MTREX: variants seen among roughly 807,000 people sequenced by gnomAD.
MTREX encodes the protein exosome RNA helicase MTR4.
A neutral mutation model predicts 135.4 loss-of-function variants in MTREX; 76 were observed. The ratio of observed to expected loss-of-function variants is 0.56; its 90% CI spans 0.47 to 0.68. The LOEUF is 0.68. Among genes scored for constraint, MTREX ranks in the 30% least tolerant of loss-of-function variants. The probability of loss-of-function intolerance (pLI) is 0.00; values close to 1 mark genes in which losing one functional copy is unlikely to be tolerated. For missense variants in MTREX, 920 were observed against 1,262.1 expected (o/e 0.73, Z 4.11); for synonymous variants, 404 against 401.6 (o/e 1.01, Z -0.07).
At chr5:55,423,070 T>G in intron 26 of MTREX, 88 bp downstream of exon 26, 1 of 924,422 alleles carries the variant, frequency 1.1e-6, no homozygotes, top group East Asian at 2.6e-5. Context: ...AGGAGGACGT[T>G]TTGAGATGTT....
chr5:55,422,757 C>G, intron 25 of MTREX, 121 bp from the exon 26 acceptor site: 1 of 694,026 alleles, frequency 1.4e-6, no homozygotes, highest in Non-Finnish European at 2.4e-6. Flanking sequence ...TGATTTACTT[C>G]ATGGGAAGTC....
At chr5:55,415,888 T>C in intron 24 of MTREX, 82 bp from the exon 25 acceptor site, 1 of 994,112 alleles carries the variant, frequency 1.0e-6, no homozygotes, top group African/African-American at 1.7e-5. Flanking sequence ...AGGGACCTCC[T>C]GGAATACTGG....
At chr5:55,310,771 T>TA (rs1195954679) in intron 1 of MTREX, among the ~76,000 whole-genome samples, 1 of 152,136 alleles carries the variant, frequency 6.6e-6, no homozygotes, top group African/African-American at 2.4e-5. Flanking sequence ...GGATGCTTTT[T>TA]AAAAAAATAG....
chr5:55,389,490 G>T (rs1750529657), intron 19 of MTREX, among the ~76,000 whole-genome samples: 1 of 152,084 alleles, frequency 6.6e-6, no homozygotes, highest in Non-Finnish European at 1.5e-5. Flanking sequence ...AAGGAAATTG[G>T]CAAGGGGTGG....
intron 11 of MTREX, among the ~76,000 whole-genome samples, chr5:55,348,815 A>G (rs1749779761): frequency 1.3e-5 from 2 of 152,248 alleles, no homozygotes; most frequent in African/African-American, 4.8e-5. Flanking sequence ...CAAATGCTTA[A>G]TACATATTAT....
chr5:55,404,241 A>G (rs935728060), intron 21 of MTREX, among the ~76,000 whole-genome samples: 1 of 152,186 alleles, frequency 6.6e-6, no homozygotes, highest in Non-Finnish European at 1.5e-5. Flanking sequence ...CTGAACCACC[A>G]CTTCAGGATA....
At chr5:55,347,709 G>A (rs553904805) in intron 11 of MTREX, among the ~76,000 whole-genome samples, 1 of 152,226 alleles carries the variant, frequency 6.6e-6, no homozygotes, top group Non-Finnish European at 1.5e-5. Flanking sequence ...TTGTGTTGCT[G>A]TGACAGAATA....
intron 20 of MTREX, among the ~76,000 whole-genome samples, chr5:55,398,659 A>G (rs1423233467): frequency 6.6e-6 from 1 of 152,208 alleles, no homozygotes; most frequent in African/African-American, 2.4e-5. Context: ...TGAAAAAACT[A>G]ATTGTTTTGT....
At position 55,417,976 on chromosome 5, in the gene MTREX, G is replaced by A. The variant is rs371677020; in HGVS notation, c.2971+1844G>A. 1.9e-3 allele frequency among the ~76,000 whole-genome samples: 287 copies of A among 150,668 alleles called. 3 individuals are homozygous for A. Among genetic ancestry groups the A allele is most frequent in the Non-Finnish European group, 1.5e-3 (103 of 67,752 alleles). ...CAGGCCAGGCACGGTGGCTTACGCC[G>A]GTAATCCCAACACTTTGGGAGGCCG... On this transcript the variant is annotated intron_variant, in intron 25 of 26. Transcript: ENST00000230640.
In MTREX at chr5:55,402,872, G is replaced by GTGTGTGTGTGTATA. The variant is rs70992784; in HGVS notation, c.2481+2452_2481+2453insGTGTGTGTGTATAT. Among the ~76,000 whole-genome samples, 1,062 of 138,826 alleles carry GTGTGTGTGTGTATA rather than the reference G, an allele frequency of 7.6e-3. 12 individuals are homozygous for GTGTGTGTGTGTATA. The highest frequency in any genetic ancestry group is 0.028 in the African/African-American group (1,020 of 36,684). The allele number at this position is 138,826 out of a possible 152,430, so 91.1% of individuals were successfully genotyped here. ...TATGTATGTGTGTGTGTGTGTGTGT[G>GTGTGTGTGTGTATA]TATATATATAATTTCTTTTTTTTTT... On this transcript the variant is annotated intron_variant, in intron 21 of 26. Coordinates refer to ENST00000230640, the MANE Select transcript of MTREX (RefSeq NM_015360.5).
chr5:55,314,169 C>G (rs1386828911), intron 1 of MTREX, among the ~76,000 whole-genome samples: 7 of 152,146 alleles, frequency 4.6e-5, no homozygotes, highest in African/African-American at 1.7e-4. Flanking sequence ...AAGCGAATTA[C>G]TAGGTCAAAG....
intron 16 of MTREX, among the ~76,000 whole-genome samples, chr5:55,369,338 C>A (rs1437692432): frequency 6.6e-6 from 1 of 152,172 alleles, no homozygotes; most frequent in Non-Finnish European, 1.5e-5. Flanking sequence ...GCAGTTAGCA[C>A]AGTCATGCAT....
rs772876403 is a variant in MTREX, at chr5:55,397,396, G to A, written c.2182-20G>A. The A allele has an allele frequency of 3.3e-6, 5 of 1,518,928 alleles. No homozygotes were observed. Among genetic ancestry groups the A allele is most frequent in the South Asian group, 2.3e-5 (2 of 86,730 alleles). The allele number at this position is 1,518,928 out of a possible 1,614,324, so 94.1% of individuals were successfully genotyped here. ...CATGTGCAAATTTAACTGTAATACT[G>A]TATAACTTTTTGGTCATAGGTTGTC... On this transcript the variant is annotated intron_variant, in intron 19 of 26. Coordinates refer to ENST00000230640, the MANE Select transcript of MTREX (RefSeq NM_015360.5).
intron 21 of MTREX, among the ~76,000 whole-genome samples, 167 bp downstream of exon 21, chr5:55,400,588 C>A (rs544759629): frequency 6.6e-6 from 1 of 152,318 alleles, no homozygotes; most frequent in African/African-American, 2.4e-5. Context: ...ATCAGCAAGA[C>A]AAGATAAAGT....
chr5:55,375,772 C>T (rs1750289560), intron 16 of MTREX, among the ~76,000 whole-genome samples: 1 of 152,106 alleles, frequency 6.6e-6, no homozygotes, highest in Non-Finnish European at 1.5e-5. Context: ...TTAGAGATTG[C>T]AGTAAAGACA....
chr5:55,423,901 CCA>C (rs1340980171), intron 26 of MTREX: 1 of 152,158 alleles, frequency 6.6e-6, no homozygotes, highest in Non-Finnish European at 1.5e-5. Flanking sequence ...GCTGATATTT[CCA>C]CAGTTGATAA....
rs779831438 is a variant in MTREX at position 55,422,880 on chromosome 5, A to T, written c.2974A>T (p.Ser992Cys). 31 of 1,611,614 alleles carry T rather than the reference A, an allele frequency of 1.9e-5. No homozygotes were observed. The highest frequency in any genetic ancestry group is 2.4e-5 in the Non-Finnish European group (28 of 1,178,966). The change falls in exon 26 of 27, where the codon AGC becomes TGC. Residue 992 changes from serine to cysteine, a missense_variant and splice_region_variant. Physicochemically the swap from Ser to Cys is moderately radical, Grantham distance 112 (BLOSUM62 -1). This residue lies in a region of MTREX where 467 missense variants were observed against 589.7 expected (regional missense o/e 0.79). Transcript: ENST00000230640. The stretch of plus-strand genomic sequence containing the variant: ...TGTTTTGTTCCTTTTCTATCCAGGC[A>T]GCATAATTCGTTGTATGAGGCGCCT... ...ICKMTDVFEG[S>C]IIRCMRRLEE...
intron 22 of MTREX, among the ~76,000 whole-genome samples, chr5:55,410,117 C>T (rs1248755672): frequency 1.3e-5 from 2 of 152,096 alleles, no homozygotes; most frequent in African/African-American, 2.4e-5. Flanking sequence ...CTTATGAGTA[C>T]ATTCTAATTA....
At position 55,344,095 on chromosome 5, in the gene MTREX, A is replaced by G. The variant is rs766681268; in HGVS notation, c.907-427A>G. ...TGCTTCTGTAGGATAGAAAAATCCA[A>G]TGGATCTTGGGGAGAAGCTAGATCA... is the stretch of plus-strand genomic sequence containing the variant. On this transcript the variant is annotated intron_variant, in intron 8 of 26. Coordinates refer to ENST00000230640, the MANE Select transcript of MTREX (RefSeq NM_015360.5). 6.6e-4 allele frequency among the ~76,000 whole-genome samples: 101 copies of G among 152,286 alleles called. 1 individual carries two copies. Among genetic ancestry groups the G allele is most frequent in the Non-Finnish European group, 1.2e-3 (81 of 68,004 alleles).
Sources: gnomAD v4.1 joint callset for allele counts (sites outside exome capture counted in the v4.1 genomes callset) on GRCh38, gnomAD v4.1.1 for gene constraint, gnomAD v4.1.1 regional missense constraint, MANE v1.5 for transcripts, NCBI Gene and HGNC (gene_info 2026-07-23, HGNC 2026-07-21) for gene names.